TMEFF2: variants seen among roughly 807,000 people sequenced by gnomAD.
TMEFF2 encodes transmembrane protein with EGF like and two follistatin like domains 2.
In TMEFF2, 28 loss-of-function variants were observed where a neutral mutation model predicts 53.8. The observed-to-expected ratio is 0.52, with a 90% CI of 0.39 to 0.71. TMEFF2 has a LOEUF of 0.71. Ranked by LOEUF, TMEFF2 falls within the 30% of genes least tolerant of loss-of-function variation. TMEFF2 has a pLI of 0.00. For synonymous variants in TMEFF2, 162 were observed against 166.3 expected, an observed-to-expected ratio of 0.97 and a Z score of 0.20; for missense variants, 353 against 455.2, an observed-to-expected ratio of 0.78 and a Z score of 2.04.
At chr2:191,970,883 C>CTGTT (rs1267930445) in intron 7 of TMEFF2, among the ~76,000 whole-genome samples, 1 of 152,274 alleles carries the variant, frequency 6.6e-6, no homozygotes, top group South Asian at 2.1e-4. Flanking sequence ...TAATCGTGTA[C>CTGTT]TGTTTTACTC....
At chr2:191,987,810 C>T (rs2105822463) in intron 7 of TMEFF2, among the ~76,000 whole-genome samples, 1 of 152,212 alleles carries the variant, frequency 6.6e-6, no homozygotes, top group South Asian at 2.1e-4. Context: ...ATATGATTAT[C>T]CATGTCATTG....
intron 4 of TMEFF2, among the ~76,000 whole-genome samples, chr2:192,060,427 C>T (rs1474746035): frequency 1.3e-5 from 2 of 152,070 alleles, no homozygotes; most frequent in African/African-American, 2.4e-5. Flanking sequence ...AACCTTTTAG[C>T]GGGTGGTGAA....
chr2:192,119,527 G>A (rs1321817165), intron 4 of TMEFF2, among the ~76,000 whole-genome samples: 1 of 152,194 alleles, frequency 6.6e-6, no homozygotes, highest in Non-Finnish European at 1.5e-5. Context: ...CTTTTAGCAT[G>A]TCTTTAAATT....
intron 1 of TMEFF2, among the ~76,000 whole-genome samples, chr2:192,193,350 T>C (rs931940542): frequency 3.9e-5 from 6 of 152,238 alleles, no homozygotes; most frequent in African/African-American, 1.4e-4. Context: ...TACTACAGGC[T>C]GTCAAACCGA....
chr2:192,026,043 A>G (rs910814887), intron 5 of TMEFF2, among the ~76,000 whole-genome samples: 1 of 152,198 alleles, frequency 6.6e-6, no homozygotes, highest in South Asian at 2.1e-4. Context: ...AAGAAAAAAA[A>G]TACAATTCAT....
At chr2:192,178,318 T>C (rs1332619002) in intron 4 of TMEFF2, 1 of 150,982 alleles carries the variant, frequency 6.6e-6, no homozygotes, top group East Asian at 1.9e-4. Context: ...CTTTTTTTTT[T>C]CTTTAAGATT....
chr2:192,173,342 T>C (rs376027678), intron 4 of TMEFF2, among the ~76,000 whole-genome samples: 1 of 151,874 alleles, frequency 6.6e-6, no homozygotes, highest in African/African-American at 2.4e-5. Context: ...TACAGCATTT[T>C]ATAAATCATT....
chr2:192,111,085 C>T (rs1228068283), intron 4 of TMEFF2, among the ~76,000 whole-genome samples: 1 of 151,982 alleles, frequency 6.6e-6, no homozygotes, highest in African/African-American at 2.4e-5. Context: ...ATGTCTTTAA[C>T]ACAGCTTAAA....
chr2:192,194,498 C>T lies in TMEFF2; in HGVS notation c.27G>A (p.Gln9=). The T allele has an allele frequency of 6.2e-7, 1 of 1,613,836 alleles. No homozygotes were observed. Among genetic ancestry groups the T allele is most frequent in the Non-Finnish European group, 8.5e-7 (1 of 1,180,028 alleles). MVLWESPR[Q]CSSWTLCEGF... is the part of the protein sequence containing the mutation. ...CCTCGCAAAGTGTCCAGCTGCTGCA[C>T]TGCCGCGGGGACTCCCACAGCACCA... Residue 9 remains glutamine (Q), a synonymous_variant, in exon 1 of 10, where the codon CAG becomes CAA. Transcript: ENST00000272771. This position sits in a 1 kb window ranked among gnomAD's most constrained non-coding sequence, Gnocchi z 4.2.
At chr2:192,081,464 G>A (rs1688550802) in intron 4 of TMEFF2, among the ~76,000 whole-genome samples, 1 of 152,150 alleles carries the variant, frequency 6.6e-6, no homozygotes, top group African/African-American at 2.4e-5. Flanking sequence ...CTGATGACGT[G>A]CTAATTTGTT....
At chr2:192,092,949 A>G (rs1376631847) in intron 4 of TMEFF2, among the ~76,000 whole-genome samples, 3 of 152,160 alleles carry the variant, frequency 2.0e-5, no homozygotes, top group Non-Finnish European at 4.4e-5. Context: ...CCGGGGCTAT[A>G]AGACAATAGA....
chr2:192,168,105 C>T (rs1199207576), intron 4 of TMEFF2, among the ~76,000 whole-genome samples: 1 of 152,040 alleles, frequency 6.6e-6, no homozygotes, highest in Non-Finnish European at 1.5e-5. Context: ...GATGGAGGCT[C>T]CATTTTTCTC....
intron 5 of TMEFF2, among the ~76,000 whole-genome samples, chr2:192,054,691 T>C (rs1662396818): frequency 6.6e-6 from 1 of 152,190 alleles, no homozygotes; most frequent in South Asian, 2.1e-4. Flanking sequence ...AATCTGGCCA[T>C]CTCATTGTCT....
At chr2:192,129,190 C>T (rs182714084) in intron 4 of TMEFF2, among the ~76,000 whole-genome samples, 7 of 152,250 alleles carry the variant, frequency 4.6e-5, no homozygotes, top group Non-Finnish European at 8.8e-5. Context: ...TGCAAATCTT[C>T]GAATTGGTTC....
At chr2:192,164,255 AT>A (rs768431292) in intron 4 of TMEFF2, among the ~76,000 whole-genome samples, 1 of 151,684 alleles carries the variant, frequency 6.6e-6, no homozygotes, top group Non-Finnish European at 1.5e-5. Flanking sequence ...CCTTCCTTCT[AT>A]TTCTGGATTT....
intron 4 of TMEFF2, among the ~76,000 whole-genome samples, chr2:192,151,662 T>C (rs993938548): frequency 6.6e-6 from 1 of 151,824 alleles, no homozygotes; most frequent in African/African-American, 2.4e-5. Flanking sequence ...ACCAGAGAAG[T>C]AAATTGTTCT....
chr2:191,960,652 A>C (rs1237888063), intron 7 of TMEFF2, among the ~76,000 whole-genome samples: 1 of 152,176 alleles, frequency 6.6e-6, no homozygotes, highest in Non-Finnish European at 1.5e-5. Context: ...AATGTATACA[A>C]ATTCTTAGGC....
chr2:192,129,293 G>T (rs1434820299), intron 4 of TMEFF2, among the ~76,000 whole-genome samples: 7 of 150,686 alleles, frequency 4.6e-5, no homozygotes, highest in Non-Finnish European at 1.0e-4. Flanking sequence ...TTGTCATCTT[G>T]AAAATATAAC....
chr2:192,144,786 C>T (rs948744254), intron 4 of TMEFF2, among the ~76,000 whole-genome samples: 11 of 151,952 alleles, frequency 7.2e-5, no homozygotes, highest in Admixed American at 6.6e-5. Context: ...ATGCTGAGAA[C>T]AGGTGGTTTA....
Sources: allele counts gnomAD v4.1 joint callset (sites outside exome capture counted in the v4.1 genomes callset), GRCh38; gene constraint gnomAD v4.1.1; non-coding constraint Gnocchi (gnomAD v3.1); transcripts MANE v1.5; gene names NCBI Gene and HGNC (gene_info 2026-07-23, HGNC 2026-07-21).